Variants in WWOX observed in about 807,000 individuals in gnomAD.
WWOX encodes the protein WW domain-containing oxidoreductase.
WWOX carries 69 observed loss-of-function variants against 46.2 expected under a neutral mutation model. The ratio of observed to expected loss-of-function variants is 1.49; its 90% confidence interval spans 1.23 to 1.82. The LOEUF is 1.82. Ranked by LOEUF, WWOX falls within the 40% of genes most tolerant of loss-of-function variation. The pLI, the probability that WWOX is intolerant of heterozygous loss-of-function variation, is 0.00. For synonymous variants in WWOX, 359 were observed against 202.6 expected, an observed-to-expected ratio of 1.77 and a Z score of -6.56; for missense variants, 919 against 542.6, an observed-to-expected ratio of 1.69 and a Z score of -6.89.
At chr16:78,386,270 C>T (rs532463131) in intron 5 of WWOX, among the ~76,000 whole-genome samples, 3 of 152,222 alleles carry the variant, frequency 2.0e-5, no homozygotes, top group South Asian at 2.1e-4. Flanking sequence ...ATTATTATTC[C>T]TATCACCAGC....
intron 8 of WWOX, among the ~76,000 whole-genome samples, chr16:78,932,076 C>T (rs1192795541): frequency 6.6e-6 from 1 of 152,224 alleles, no homozygotes; most frequent in Non-Finnish European, 1.5e-5. Flanking sequence ...TCCGTTAAAC[C>T]TCTTTCCTTT....
chr16:79,095,199 G>A (rs1323589912), intron 8 of WWOX, among the ~76,000 whole-genome samples: 2 of 152,122 alleles, frequency 1.3e-5, no homozygotes, highest in East Asian at 3.8e-4. Context: ...TCCACCTGTC[G>A]TTTTCCTTTC....
At chr16:79,158,703 A>T (rs1488928141) in intron 8 of WWOX, among the ~76,000 whole-genome samples, 3 of 152,156 alleles carry the variant, frequency 2.0e-5, no homozygotes, top group African/African-American at 7.2e-5. Context: ...TGTAAGTCAG[A>T]TCTCAGATTA....
intron 8 of WWOX, among the ~76,000 whole-genome samples, chr16:78,754,699 A>T (rs949998305): frequency 2.6e-5 from 4 of 152,196 alleles, no homozygotes; most frequent in African/African-American, 9.7e-5. Flanking sequence ...TTGGTTATGC[A>T]GTGCATTTAT....
At chr16:78,765,962 G>A (rs1429830292) in intron 8 of WWOX, among the ~76,000 whole-genome samples, 1 of 152,178 alleles carries the variant, frequency 6.6e-6, no homozygotes. Context: ...TGGCTTGAAA[G>A]TATAACAAAA....
intron 6 of WWOX, among the ~76,000 whole-genome samples, chr16:78,394,490 T>C (rs1567546549): frequency 6.6e-6 from 1 of 152,172 alleles, no homozygotes; most frequent in Admixed American, 6.5e-5. Flanking sequence ...CTAAGCAAAA[T>C]TTTGCCTTCT....
chr16:78,167,789 ATC>A (rs1466037613), intron 5 of WWOX: 1 of 152,162 alleles, frequency 6.6e-6, no homozygotes, highest in Non-Finnish European at 1.5e-5. Context: ...CTCTGGTGAC[ATC>A]TGTTAGGCTT....
chr16:78,612,173 T>A (rs2151631845), intron 8 of WWOX, among the ~76,000 whole-genome samples: 1 of 152,354 alleles, frequency 6.6e-6, no homozygotes, highest in East Asian at 1.9e-4. Flanking sequence ...GAGGTATTCT[T>A]TGGAGAGCAC....
intron 4 of WWOX, among the ~76,000 whole-genome samples, chr16:78,136,660 G>C (rs1409882171): frequency 6.6e-6 from 1 of 152,186 alleles, no homozygotes; most frequent in Non-Finnish European, 1.5e-5. Context: ...AGGTTGGTTC[G>C]TTAACCTGTA....
intron 6 of WWOX, among the ~76,000 whole-genome samples, chr16:78,414,561 T>A (rs537226827): frequency 6.5e-4 from 99 of 152,212 alleles, no homozygotes; most frequent in African/African-American, 2.2e-3. Context: ...AGTGAAACTG[T>A]CTTAAAACAA....
chr16:78,759,431 G>A (rs1375609449), intron 8 of WWOX, among the ~76,000 whole-genome samples: 1 of 152,124 alleles, frequency 6.6e-6, no homozygotes, highest in African/African-American at 2.4e-5. Flanking sequence ...AGCAGTGAGA[G>A]CCTGTTGAGT....
chr16:78,153,559 C>T (rs1249735638), intron 4 of WWOX, among the ~76,000 whole-genome samples: 1 of 151,990 alleles, frequency 6.6e-6, no homozygotes, highest in African/African-American at 2.4e-5. Context: ...GATTCTACAA[C>T]TTGTTGATTG....
intron 8 of WWOX, among the ~76,000 whole-genome samples, chr16:79,042,963 C>T (rs2048000671): frequency 6.6e-6 from 1 of 152,098 alleles, no homozygotes; most frequent in African/African-American, 2.4e-5. Context: ...ATTTCTCATC[C>T]TTCTTGACTG....
intron 5 of WWOX, among the ~76,000 whole-genome samples, chr16:78,176,992 G>C (rs922661132): frequency 6.6e-6 from 1 of 152,148 alleles, no homozygotes; most frequent in Non-Finnish European, 1.5e-5. Flanking sequence ...TTGAGAGCTT[G>C]TTGGAAATGC....
At chr16:79,159,635 C>T (rs1050294984) in intron 8 of WWOX, among the ~76,000 whole-genome samples, 2 of 152,318 alleles carry the variant, frequency 1.3e-5, no homozygotes, top group African/African-American at 2.4e-5. Flanking sequence ...TGTCTCTCCC[C>T]GTGTCCCCTT....
chr16:78,223,658 A>G (rs986056353), intron 5 of WWOX, among the ~76,000 whole-genome samples: 2 of 152,142 alleles, frequency 1.3e-5, no homozygotes, highest in Non-Finnish European at 2.9e-5. Flanking sequence ...CCATCCTTTC[A>G]GTTTCCAGCC....
At chr16:79,045,336 T>C (rs914520527) in intron 8 of WWOX, among the ~76,000 whole-genome samples, 3 of 152,174 alleles carry the variant, frequency 2.0e-5, no homozygotes, top group African/African-American at 7.2e-5. Context: ...TGGAGTTGCA[T>C]TTTAATTGGC....
At chr16:79,114,867 T>G (rs2049483157) in intron 8 of WWOX, among the ~76,000 whole-genome samples, 1 of 152,156 alleles carries the variant, frequency 6.6e-6, no homozygotes, top group Non-Finnish European at 1.5e-5. Flanking sequence ...TTAATGGGCG[T>G]AGATGTTGTT....
intron 8 of WWOX, among the ~76,000 whole-genome samples, chr16:78,797,471 A>C (rs2050773026): frequency 6.6e-6 from 1 of 151,740 alleles, no homozygotes; most frequent in African/African-American, 2.4e-5. Flanking sequence ...CCATTGCTCT[A>C]ATTTGTAGAG....
Sources: gnomAD v4.1 joint callset for allele counts (sites outside exome capture counted in the v4.1 genomes callset) on GRCh38, gnomAD v4.1.1 for gene constraint, MANE v1.5 for transcripts, NCBI Gene and HGNC (gene_info 2026-07-23, HGNC 2026-07-21) for gene names.